EIPR1: variants seen among roughly 807,000 people sequenced by gnomAD.
EIPR1 encodes the protein EARP and GARP complex-interacting protein 1.
A neutral mutation model predicts 48.1 loss-of-function variants in EIPR1; 25 were observed. That is an observed-to-expected ratio of 0.52 (90% confidence interval 0.38 to 0.73). EIPR1 has a LOEUF of 0.73. Ranked by LOEUF, EIPR1 falls within the 30% of genes least tolerant of loss-of-function variation. EIPR1 has a pLI of 0.00. For missense variants in EIPR1, 415 were observed against 506.2 expected (o/e 0.82, Z 1.73); for synonymous variants, 204 against 201.9 (o/e 1.01, Z -0.09).
At chr2:3,373,432 C>T (rs1218462677) in intron 1 of EIPR1, among the ~76,000 whole-genome samples, 1 of 152,160 alleles carries the variant, frequency 6.6e-6, no homozygotes, top group Non-Finnish European at 1.5e-5. Context: ...AAGAGGAAGT[C>T]AAATTGTCCC....
intron 2 of EIPR1, among the ~76,000 whole-genome samples, chr2:3,344,777 C>T (rs983505175): frequency 1.3e-5 from 2 of 150,882 alleles, no homozygotes; most frequent in African/African-American, 4.9e-5. Flanking sequence ...TGAGTAGTTG[C>T]AACTACAGGC....
chr2:3,208,456 T>C, intron 5 of EIPR1: 1 of 1,493,170 alleles, frequency 6.7e-7, no homozygotes, highest in South Asian at 1.4e-5. Context: ...CGTCGTTAGC[T>C]TTCCTCTTCT....
At chr2:3,215,191 C>T (rs1665589994) in intron 4 of EIPR1, among the ~76,000 whole-genome samples, 1 of 152,194 alleles carries the variant, frequency 6.6e-6, no homozygotes, top group African/African-American at 2.4e-5. Context: ...CCAGCAGTGG[C>T]CAATGAGACG....
rs58247860 is a variant in EIPR1, at chr2:3,294,945, T to TACAC, written c.260-37494_260-37491dup. ...CACCCGCCATCCAGCCCATCCTCTC[T>TACAC]ACACACACACACACACCCTCCATCC... On this transcript the variant is annotated intron_variant, in intron 3 of 8. Transcript: ENST00000382125. 2.5e-3 allele frequency among the ~76,000 whole-genome samples: 168 copies of TACAC among 66,288 alleles called. 18 individuals carry two copies. The highest frequency in any genetic ancestry group is 0.01 in the African/African-American group (152 of 15,050). 43.5% of individuals were successfully genotyped at this position (66,288 alleles called of 152,430 possible). A position where few individuals can be genotyped will look rare whatever the true frequency, so the allele number is the denominator to read the frequency against.
intron 4 of EIPR1, among the ~76,000 whole-genome samples, chr2:3,253,234 C>A (rs1667055077): frequency 6.6e-6 from 1 of 152,168 alleles, no homozygotes; most frequent in Non-Finnish European, 1.5e-5. Context: ...AATTTACCTA[C>A]AGTCTGGAAG....
chr2:3,333,858 C>A (rs1669968409), intron 3 of EIPR1, among the ~76,000 whole-genome samples: 1 of 152,156 alleles, frequency 6.6e-6, no homozygotes, highest in Admixed American at 6.5e-5. Context: ...GGAGGGTGCT[C>A]CTAACAACTC....
At chr2:3,280,988 T>C (rs1279928837) in intron 3 of EIPR1, among the ~76,000 whole-genome samples, 1 of 152,132 alleles carries the variant, frequency 6.6e-6, no homozygotes, top group African/African-American at 2.4e-5. Flanking sequence ...TCCCTGTACC[T>C]GGCCTCCAGC....
intron 4 of EIPR1, among the ~76,000 whole-genome samples, chr2:3,215,877 G>A (rs530721552): frequency 1.4e-4 from 22 of 152,284 alleles, no homozygotes; most frequent in African/African-American, 5.1e-4. Flanking sequence ...TCATAGTACT[G>A]TGATCAAAGG....
chr2:3,357,231 G>A (rs892596162), intron 1 of EIPR1, among the ~76,000 whole-genome samples: 3 of 152,202 alleles, frequency 2.0e-5, no homozygotes, highest in Admixed American at 1.3e-4. Context: ...TTCATTTTCA[G>A]TAACTCTCTG....
intron 3 of EIPR1, among the ~76,000 whole-genome samples, chr2:3,313,579 C>A (rs910365743): frequency 6.6e-6 from 1 of 152,182 alleles, no homozygotes; most frequent in Non-Finnish European, 1.5e-5. Context: ...CCACAAATTG[C>A]TGAAGGCCTC....
intron 4 of EIPR1, among the ~76,000 whole-genome samples, chr2:3,248,146 G>T (rs1274716301): frequency 1.3e-5 from 2 of 152,068 alleles, no homozygotes. Flanking sequence ...ACACAATCTG[G>T]ATGTTTAAAA....
chr2:3,339,916 C>T (rs1160687627), intron 2 of EIPR1, among the ~76,000 whole-genome samples: 1 of 152,238 alleles, frequency 6.6e-6, no homozygotes, highest in Non-Finnish European at 1.5e-5. Context: ...CGCCACCGCA[C>T]TCCAGCCTGG....
At chr2:3,372,840 AATCAAT>A (rs1364365085) in intron 1 of EIPR1, among the ~76,000 whole-genome samples, 1 of 152,214 alleles carries the variant, frequency 6.6e-6, no homozygotes, top group Non-Finnish European at 1.5e-5. Flanking sequence ...AAACTATTCC[AATCAAT>A]AGAAAAAGAG....
rs3749092 is a variant in EIPR1, at chr2:3,189,691, G to A, written c.990-183C>T. 0.046 allele frequency among the ~76,000 whole-genome samples: 7,018 copies of A among 152,226 alleles called. 470 individuals carry two copies. The highest frequency in any genetic ancestry group is 0.15 in the African/African-American group (6,315 of 41,504). ...CGAGGACGGTGGGGTGGTCCCTGCA[G>A]AAGCCCAGAAACCCTCACTGTCACT... On this transcript the variant is annotated intron_variant, in intron 8 of 8. Transcript: ENST00000382125. This position sits in a 1 kb window ranked among gnomAD's most constrained non-coding sequence, Gnocchi z 4.6.
chr2:3,307,379 C>A (rs1668979664), intron 3 of EIPR1, among the ~76,000 whole-genome samples: 1 of 152,234 alleles, frequency 6.6e-6, no homozygotes, highest in Non-Finnish European at 1.5e-5. Flanking sequence ...GGCCCCAAGC[C>A]AGAGGTAGAG....
intron 1 of EIPR1, among the ~76,000 whole-genome samples, chr2:3,362,199 A>C (rs1572485893): frequency 7.6e-5 from 11 of 144,470 alleles, no homozygotes; most frequent in South Asian, 2.2e-4. Context: ...TGAGCCCCTC[A>C]CTCCCAGCCT....
chr2:3,243,077 T>G (rs1446160047), intron 4 of EIPR1, among the ~76,000 whole-genome samples: 2 of 152,220 alleles, frequency 1.3e-5, no homozygotes, highest in Non-Finnish European at 2.9e-5. Flanking sequence ...AGTTTGACAC[T>G]GGGTAACTCA....
chr2:3,351,221 G>A (rs1302673972), intron 2 of EIPR1, among the ~76,000 whole-genome samples: 2 of 152,110 alleles, frequency 1.3e-5, no homozygotes, highest in Non-Finnish European at 2.9e-5. Flanking sequence ...GGCTGGTCTT[G>A]AACTCTTCAT....
intron 5 of EIPR1, among the ~76,000 whole-genome samples, chr2:3,205,115 T>C (rs1665184740): frequency 2.0e-5 from 3 of 152,186 alleles, no homozygotes; most frequent in African/African-American, 7.2e-5. Flanking sequence ...ATGAAGCACC[T>C]GGTGCAGGCG....
Sources: gnomAD v4.1 joint callset for allele counts (sites outside exome capture counted in the v4.1 genomes callset) on GRCh38, gnomAD v4.1.1 for gene constraint, Gnocchi (gnomAD v3.1) non-coding constraint, MANE v1.5 for transcripts, NCBI Gene and HGNC (gene_info 2026-07-23, HGNC 2026-07-21) for gene names.